Variants in HLA-DOB observed in about 807,000 individuals in gnomAD.
The protein encoded by HLA-DOB is HLA class II histocompatibility antigen, DO beta chain.
A neutral mutation model predicts 27.7 loss-of-function variants in HLA-DOB; 25 were observed. The ratio of observed to expected loss-of-function variants is 0.90; its 90% CI spans 0.66 to 1.26. The LOEUF (loss-of-function observed/expected upper bound fraction) is 1.26. HLA-DOB is among the 50% of genes most tolerant of loss of function. HLA-DOB has a pLI of 0.00. For synonymous variants in HLA-DOB, 137 were observed against 125.6 expected (o/e 1.09, Z -0.61); for missense variants, 306 against 324.9 (o/e 0.94, Z 0.45).
chr6:32,813,164 A>G lies in HLA-DOB; in HGVS notation c.*52T>C. ...ATGTCCTTTACCTCACCCAGGGCCC[A>G]GACTACTCATCACTACTTCAGGCTC... On this transcript the variant is annotated 3_prime_UTR_variant, in exon 6 of 6. Transcript: ENST00000438763. 6.5e-7 allele frequency: 1 copy of G among 1,542,466 alleles called. No homozygotes were observed. Among genetic ancestry groups the G allele is most frequent in the Non-Finnish European group, 9.0e-7 (1 of 1,115,404 alleles).
intron 3 of HLA-DOB, 88 bp from the exon 4 acceptor site, chr6:32,813,921 A>C: frequency 1.2e-6 from 1 of 810,212 alleles, no homozygotes; most frequent in Non-Finnish European, 2.0e-6. Flanking sequence ...TAGACACCAA[A>C]TCCAATGCTA....
chr6:32,814,582 C>G lies in HLA-DOB; in HGVS notation c.381G>C (p.Val127=), dbSNP rs768435116. 1 of 1,612,566 alleles carries G rather than the reference C, an allele frequency of 6.2e-7. No homozygotes were observed. Among genetic ancestry groups the G allele is most frequent in the East Asian group, 2.2e-5 (1 of 44,876 alleles). Residue 127 remains valine (V), a synonymous_variant, in exon 3 of 6, where the codon GTG becomes GTC. Transcript: ENST00000438763. ...GCAGGAGTGGGGTCCTCTCTGGGTA[C>G]ACTGTCACCTCTGGTTGCACTAGGA... ...VGRKVQPEVT[V]YPERTPLLHQ... is the part of the protein sequence containing the mutation.
chr6:32,816,925 CA>C lies in HLA-DOB; in HGVS notation c.26del (p.Val9GlyfsTer5). MGSGWVPW[V>X]VALLVNLTRL... ...GGGTCAGATTCACTAGCAGAGCCAC[CA>C]CCCAGGGGACCCACCCAGAACCCAT... On this transcript the variant is annotated frameshift_variant, in exon 1 of 6. Coordinates refer to ENST00000438763, the MANE Select transcript of HLA-DOB (RefSeq NM_002120.4). LOFTEE classifies it high-confidence loss of function. 6.2e-7 allele frequency: 1 copy of C among 1,612,912 alleles called. No homozygotes were observed. Among genetic ancestry groups the C allele is most frequent in the Non-Finnish European group, 8.5e-7 (1 of 1,179,918 alleles).
In HLA-DOB at chr6:32,814,561, G is replaced by A. The variant is rs1767939030; in HGVS notation, c.402C>T (p.Leu134=). 2 of 1,612,894 alleles carry A rather than the reference G, an allele frequency of 1.2e-6. No individual in the cohort carries two copies. The highest frequency in any genetic ancestry group is 1.7e-5 in the Admixed American group (1 of 60,010). ...EVTVYPERTP[L]LHQHNLLHCS... The stretch of plus-strand genomic sequence containing the variant: ...AGTGCAGCAGATTATGCTGGTGCAG[G>A]AGTGGGGTCCTCTCTGGGTACACTG... Residue 134 remains leucine, a synonymous_variant, in exon 3 of 6, where the codon CTC becomes CTT. Coordinates refer to ENST00000438763, the MANE Select transcript of HLA-DOB (RefSeq NM_002120.4).
At position 32,813,230 on chromosome 6, in the gene HLA-DOB, G is replaced by A. The variant is rs1268340618; in HGVS notation, c.808C>T (p.Pro270Ser). The change falls in exon 6 of 6, where the codon CCT becomes TCT. Residue 270 changes from proline (P) to serine (S), a missense_variant. Coordinates refer to ENST00000438763, the MANE Select transcript of HLA-DOB (RefSeq NM_002120.4). ...CAGTGAGGACCTTAGCATGACTGAGGGAGCAGAACAGCTCTTGAGACCTGG... is the reference window on the plus strand; with the variant it reads ...CAGTGAGGACCTTAGCATGACTGAGAGAGCAGAACAGCTCTTGAGACCTGG... ...GNEVSRAVLL[P>S]QSC The A allele has an allele frequency of 6.2e-7, 1 of 1,613,022 alleles. No homozygotes were observed. Among genetic ancestry groups the A allele is most frequent in the Admixed American group, 1.7e-5 (1 of 60,014 alleles).
At position 32,816,975 on chromosome 6, in the gene HLA-DOB, A is replaced by C; in HGVS notation, c.-24T>G. 1.3e-6 allele frequency: 2 copies of C among 1,558,430 alleles called. No individual in the cohort carries two copies. The highest frequency in any genetic ancestry group is 1.8e-6 in the Non-Finnish European group (2 of 1,130,662). On this transcript the variant is annotated 5_prime_UTR_variant, in exon 1 of 6. Coordinates refer to ENST00000438763, the MANE Select transcript of HLA-DOB (RefSeq NM_002120.4). ...ATTCTGGAGAAAGGAAAAAAATGAG[A>C]TAGTAAAATCGTCAGCCTCTTCAGA...
At chr6:32,816,146 T>A (rs1411601712) in intron 1 of HLA-DOB, among the ~76,000 whole-genome samples, 1 of 152,202 alleles carries the variant, frequency 6.6e-6, no homozygotes, top group Non-Finnish European at 1.5e-5. Context: ...CTGGCCAGGT[T>A]TGTTCCTCTT....
intron 3 of HLA-DOB, 194 bp from the exon 4 acceptor site, chr6:32,814,027 A>C: frequency 3.3e-6 from 2 of 611,952 alleles, no homozygotes; most frequent in Non-Finnish European, 5.7e-6. Flanking sequence ...CTCACAGCCC[A>C]TAAGAATGCC....
rs1767969657 is a variant in HLA-DOB, at chr6:32,815,239, A to G, written c.166T>C (p.Phe56Leu). Residue 56 changes from phenylalanine to leucine, a missense_variant, in exon 2 of 6, where the codon TTC (phenylalanine) becomes CTC (leucine). Phe to Leu is a conservative substitution (Grantham distance 22). Coordinates refer to ENST00000438763, the MANE Select transcript of HLA-DOB (RefSeq NM_002120.4). Reference sequence around the variant, plus strand: ...ACATACTCCTCCAAGTTAAAGATGAATCTGACCACAAACTGCACCTTTTCT... The same window carrying G: ...ACATACTCCTCCAAGTTAAAGATGAGTCTGACCACAAACTGCACCTTTTCT... ...GTEKVQFVVR[F>L]IFNLEEYVRF... is the part of the protein sequence containing the mutation. 2 of 1,614,126 alleles carry G rather than the reference A, an allele frequency of 1.2e-6. No individual in the cohort carries two copies. The highest frequency in any genetic ancestry group is 2.7e-5 in the African/African-American group (2 of 74,936).
At chr6:32,813,937 A>G in intron 3 of HLA-DOB, 104 bp from the exon 4 acceptor site, 1 of 754,914 alleles carries the variant, frequency 1.3e-6, no homozygotes, top group Non-Finnish European at 2.2e-6. Context: ...TGCTAGCTAG[A>G]GAAAAATAAA....
At position 32,815,198 on chromosome 6, in the gene HLA-DOB, A is replaced by C; in HGVS notation, c.207T>G (p.Asp69Glu). 1 of 1,614,170 alleles carries C rather than the reference A, an allele frequency of 6.2e-7. No individual in the cohort carries two copies. The highest frequency in any genetic ancestry group is 8.5e-7 in the Non-Finnish European group (1 of 1,180,032). ...NLEEYVRFDS[D>E]VGMFVALTKL... is the part of the protein sequence containing the mutation. ...TGGTCAATGCCACAAACATCCCCACATCACTGTCGAAACGTACATACTCCT... is the reference window on the plus strand; with the variant it reads ...TGGTCAATGCCACAAACATCCCCACCTCACTGTCGAAACGTACATACTCCT... The change falls in exon 2 of 6, where the codon GAT (aspartate) becomes GAG (glutamate). Residue 69 changes from aspartate (D) to glutamate (E), a missense_variant. Asp to Glu is a conservative substitution (Grantham distance 45). Transcript: ENST00000438763.
At chr6:32,815,346 C>T (rs938847608) in intron 1 of HLA-DOB, 33 bp from the exon 2 acceptor site, 25 of 1,612,156 alleles carry the variant, frequency 1.6e-5, no homozygotes, top group Non-Finnish European at 2.0e-5. Context: ...ATGAACCAGC[C>T]CCCTCCTCTG....
At chr6:32,814,723 T>C in intron 2 of HLA-DOB, 122 bp from the exon 3 acceptor site, 1 of 945,766 alleles carries the variant, frequency 1.1e-6, no homozygotes, top group Non-Finnish European at 1.6e-6. Flanking sequence ...ACACAAAGTA[T>C]AGGCAAGTCT....
intron 2 of HLA-DOB, among the ~76,000 whole-genome samples, 159 bp downstream of exon 2, chr6:32,814,885 G>T (rs1019418893): frequency 6.6e-6 from 1 of 152,144 alleles, no homozygotes; most frequent in African/African-American, 2.4e-5. Context: ...GATCACAGTG[G>T]CTGACTTGTG....
rs754833849 is a variant in HLA-DOB, at chr6:32,813,522, G to C, written c.755-51C>G. 18 of 1,591,662 alleles carry C rather than the reference G, an allele frequency of 1.1e-5. No individual in the cohort carries two copies. The East Asian group carries it at 3.8e-4, about 34-fold the overall frequency. On this transcript the variant is annotated intron_variant, in intron 4 of 5. Coordinates refer to ENST00000438763, the MANE Select transcript of HLA-DOB (RefSeq NM_002120.4). ...GATTGCCCCAATTAGGACCCAATAT[G>C]ATTATCCCGAGGGAAGAACAAATGG...
intron 1 of HLA-DOB, among the ~76,000 whole-genome samples, chr6:32,815,774 C>T (rs758146412): frequency 1.5e-4 from 23 of 152,314 alleles, no homozygotes; most frequent in South Asian, 4.1e-4. Flanking sequence ...TCAGGAAGGA[C>T]GTCCTGAAGA....
At position 32,816,941 on chromosome 6, in the gene HLA-DOB, C is replaced by G. The variant is rs1318359030; in HGVS notation, c.11G>C (p.Gly4Ala). The change falls in exon 1 of 6, where the codon GGG (glycine) becomes GCG (alanine). Residue 4 changes from glycine (G) to alanine (A), a missense_variant. Transcript: ENST00000438763. MGS[G>A]WVPWVVALLV... ...CAGAGCCACCACCCAGGGGACCCACCCAGAACCCATTCTGGAGAAAGGAAA... is the reference window on the plus strand; with the variant it reads ...CAGAGCCACCACCCAGGGGACCCACGCAGAACCCATTCTGGAGAAAGGAAA... 6.2e-7 allele frequency: 1 copy of G among 1,612,640 alleles called. No individual in the cohort carries two copies. The highest frequency in any genetic ancestry group is 8.5e-7 in the Non-Finnish European group (1 of 1,179,720).
chr6:32,813,999 C>A (rs2856997), intron 3 of HLA-DOB, 166 bp from the exon 4 acceptor site: 280,798 of 620,302 alleles, frequency 0.45, 65,046 homozygotes, highest in South Asian at 0.54. Context: ...TGGAGTTACC[C>A]CCCATCGGTT....
chr6:32,815,037 A>G lies in HLA-DOB; in HGVS notation c.361+7T>C. ...TGAGCCCCGCCAGACCTCAGCTTCC[A>G]GCTCACCTTTTCTCCCCACAGTGAA... On this transcript the variant is annotated splice_region_variant and intron_variant, in intron 2 of 5. Transcript: ENST00000438763. The G allele has an allele frequency of 1.9e-6, 3 of 1,613,168 alleles. No homozygotes were observed. Among genetic ancestry groups the G allele is most frequent in the Non-Finnish European group, 2.5e-6 (3 of 1,179,198 alleles).
Sources: allele counts gnomAD v4.1 joint callset (sites outside exome capture counted in the v4.1 genomes callset), GRCh38; gene constraint gnomAD v4.1.1; transcripts MANE v1.5; gene names NCBI Gene and HGNC (gene_info 2026-07-23, HGNC 2026-07-21).